Variants in FARS2 observed in about 807,000 individuals in gnomAD.
FARS2 encodes the protein phenylalanine--tRNA ligase, mitochondrial.
FARS2 carries 40 observed loss-of-function variants against 46.4 expected under a neutral mutation model. That is an observed-to-expected ratio of 0.86 (90% CI 0.67 to 1.12). The LOEUF (loss-of-function observed/expected upper bound fraction) is 1.12. Among genes scored for constraint, FARS2 ranks in the 50% most tolerant of loss-of-function variants. FARS2 has a pLI of 0.00. For missense variants in FARS2, 513 were observed against 567.9 expected (o/e 0.90, Z 0.98); for synonymous variants, 234 against 214.9 (o/e 1.09, Z -0.78).
chr6:5,650,601 C>T (rs1161077824), intron 6 of FARS2, among the ~76,000 whole-genome samples: 1 of 152,148 alleles, frequency 6.6e-6, no homozygotes, highest in Non-Finnish European at 1.5e-5. Flanking sequence ...CTGACTCAGC[C>T]TCCCGAGTAG....
At chr6:5,301,842 C>T (rs1168762075) in intron 1 of FARS2, among the ~76,000 whole-genome samples, 1 of 141,926 alleles carries the variant, frequency 7.0e-6, no homozygotes, top group African/African-American at 2.8e-5. Flanking sequence ...CACACACACA[C>T]ACACAAAGAA....
intron 4 of FARS2, among the ~76,000 whole-genome samples, chr6:5,439,060 T>TGGGA: frequency 6.6e-6 from 1 of 152,282 alleles, no homozygotes; most frequent in South Asian, 2.1e-4. Context: ...AGGCTTTGAG[T>TGGGA]GGGACCTGCT....
rs192212573 is a variant in FARS2 at position 5,549,428 on chromosome 6, G to A, written c.1065+4088G>A. ...TTCCCACCTATGAGTGAGAACATGC[G>A]GTATTTGGTTTTCTGTCCTTGTGAA... On this transcript the variant is annotated intron_variant, in intron 5 of 6. Coordinates refer to ENST00000274680, the MANE Select transcript of FARS2 (RefSeq NM_006567.5). Among the ~76,000 whole-genome samples, 481 of 152,202 alleles carry A rather than the reference G, an allele frequency of 3.2e-3. 3 individuals are homozygous for A. Among genetic ancestry groups the A allele is most frequent in the African/African-American group, 0.011 (456 of 41,522 alleles).
In FARS2 at chr6:5,765,075, A is replaced by G. The variant is rs1191822330; in HGVS notation, c.1218-6216A>G. 6.6e-6 allele frequency among the ~76,000 whole-genome samples: 1 copy of G among 152,228 alleles called. No individual in the cohort carries two copies. Among genetic ancestry groups the G allele is most frequent in the Non-Finnish European group, 1.5e-5 (1 of 68,036 alleles). ...CACTGATCCAGCCCTGACTATACTC[A>G]GCACCTATACATCCTTGTCTTTGGT... On this transcript the variant is annotated intron_variant, in intron 6 of 6. Transcript: ENST00000274680. This position sits in a 1 kb window ranked among gnomAD's most constrained non-coding sequence, Gnocchi z 4.0.
At chr6:5,438,883 G>T (rs1291865987) in intron 4 of FARS2, among the ~76,000 whole-genome samples, 2 of 152,206 alleles carry the variant, frequency 1.3e-5, no homozygotes, top group African/African-American at 4.8e-5. Context: ...GCATCTGATA[G>T]TTCCAATGTC....
At chr6:5,709,877 T>C (rs1450630387) in intron 6 of FARS2, among the ~76,000 whole-genome samples, 1 of 152,158 alleles carries the variant, frequency 6.6e-6, no homozygotes, top group Non-Finnish European at 1.5e-5. Flanking sequence ...GTTTTCAAGC[T>C]CTTGGTGAGT....
the FARS2 span, among the ~76,000 whole-genome samples, chr6:5,253,833 C>CAA: frequency 2.2e-5 from 3 of 137,770 alleles, no homozygotes; most frequent in Admixed American, 7.2e-5. Context: ...TCATGCTGAG[C>CAA]AAAAAAAAAA....
rs181745448 is a variant in FARS2, at chr6:5,376,116, A to G, written c.612+6934A>G. Among the ~76,000 whole-genome samples the G allele has an allele frequency of 1.1e-4, 17 of 152,250 alleles. No individual in the cohort carries two copies. The East Asian group carries it at 2.9e-3, about 26-fold the overall frequency. ...TTTTCATCCTGAGACTTTCTTTTAC[A>G]TGATCACTACCAATCTTCTGTCAAT... On this transcript the variant is annotated intron_variant, in intron 2 of 6. Coordinates refer to ENST00000274680, the MANE Select transcript of FARS2 (RefSeq NM_006567.5).
chr6:5,381,977 G>A (rs1759824606), intron 2 of FARS2, among the ~76,000 whole-genome samples: 2 of 152,238 alleles, frequency 1.3e-5, no homozygotes, highest in African/African-American at 4.8e-5. Flanking sequence ...TAGAAAGCTG[G>A]TGAGGCGGAC....
chr6:5,345,053 A>C lies in FARS2; in HGVS notation c.-21-23497A>C, dbSNP rs558073324. Among the ~76,000 whole-genome samples, 7 of 152,006 alleles carry C rather than the reference A, an allele frequency of 4.6e-5. No homozygotes were observed. In the South Asian group the frequency reaches 1.5e-3, roughly 32 times the overall value. ...GTGATCTGCCCACATTGGCCTCCCA[A>C]AGTGCTGGGATTACAGGCATGAGCC... On this transcript the variant is annotated intron_variant, in intron 1 of 6. Transcript: ENST00000274680.
intron 3 of FARS2, among the ~76,000 whole-genome samples, chr6:5,429,161 G>A (rs1410259908): frequency 6.6e-6 from 1 of 152,136 alleles, no homozygotes; most frequent in East Asian, 1.9e-4. Context: ...TATGTTCATT[G>A]TCTTGATTGT....
At chr6:5,613,699 A>C (rs1775311329) in intron 6 of FARS2, among the ~76,000 whole-genome samples, 1 of 152,220 alleles carries the variant, frequency 6.6e-6, no homozygotes, top group African/African-American at 2.4e-5. Flanking sequence ...ATATTTGTTA[A>C]GCACTTACCA....
chr6:5,451,825 A>G (rs1421381537), intron 4 of FARS2: 1 of 152,182 alleles, frequency 6.6e-6, no homozygotes, highest in Non-Finnish European at 1.5e-5. Flanking sequence ...GTTGGACCCT[A>G]TTTAACTGGC....
At chr6:5,601,989 G>T (rs2150636523) in intron 5 of FARS2, among the ~76,000 whole-genome samples, 1 of 152,228 alleles carries the variant, frequency 6.6e-6, no homozygotes, top group Admixed American at 6.5e-5. Context: ...AGAAAACAGA[G>T]ACCCTCTCCT....
intron 4 of FARS2, among the ~76,000 whole-genome samples, chr6:5,516,378 C>A (rs1434688946): frequency 6.6e-6 from 1 of 152,182 alleles, no homozygotes; most frequent in Non-Finnish European, 1.5e-5. Flanking sequence ...GTAACAGCAA[C>A]AACAACCAAA....
intron 1 of FARS2, among the ~76,000 whole-genome samples, chr6:5,281,806 A>C (rs573797773): frequency 6.6e-6 from 1 of 152,310 alleles, no homozygotes; most frequent in Admixed American, 6.5e-5. Context: ...GTATTGGGAA[A>C]TGGTAGACAC....
intron 5 of FARS2, among the ~76,000 whole-genome samples, chr6:5,593,923 A>G (rs1014599634): frequency 7.9e-5 from 12 of 152,176 alleles, no homozygotes; most frequent in African/African-American, 2.7e-4. Context: ...AACACACAGC[A>G]GCTAAATCCC....
intron 3 of FARS2, among the ~76,000 whole-genome samples, chr6:5,414,130 A>G (rs139249337): frequency 6.6e-6 from 1 of 152,334 alleles, no homozygotes; most frequent in African/African-American, 2.4e-5. Flanking sequence ...GCTGCCCGAC[A>G]GAGGCAGCAG....
chr6:5,272,238 A>C (rs1766011374), intron 1 of FARS2, among the ~76,000 whole-genome samples: 1 of 152,192 alleles, frequency 6.6e-6, no homozygotes, highest in South Asian at 2.1e-4. Flanking sequence ...CAGTGGGATG[A>C]GGTACTTTGA....
Sources: gnomAD v4.1 joint callset for allele counts (sites outside exome capture counted in the v4.1 genomes callset) on GRCh38, gnomAD v4.1.1 for gene constraint, Gnocchi (gnomAD v3.1) non-coding constraint, MANE v1.5 for transcripts, NCBI Gene and HGNC (gene_info 2026-07-23, HGNC 2026-07-21) for gene names.